Variants in ITGBL1 observed in about 807,000 individuals in gnomAD.
ITGBL1 encodes integrin subunit beta like 1, also known as integrin beta-like protein 1.
Under a neutral mutation model 68.5 loss-of-function variants are expected in ITGBL1, and 51 were observed. The ratio of observed to expected loss-of-function variants is 0.74; its 90% CI spans 0.59 to 0.94. The LOEUF (loss-of-function observed/expected upper bound fraction) is 0.94. Among genes scored for constraint, ITGBL1 ranks in the 40% least tolerant of loss-of-function variants. ITGBL1 has a pLI of 0.00. For missense variants in ITGBL1, 649 were observed against 647.4 expected (o/e 1.00, Z -0.03); for synonymous variants, 209 against 227.3 (o/e 0.92, Z 0.72).
At chr13:101,473,821 G>A (rs528882796) in intron 2 of ITGBL1, among the ~76,000 whole-genome samples, 4 of 152,244 alleles carry the variant, frequency 2.6e-5, no homozygotes, top group East Asian at 1.9e-4. Flanking sequence ...GCCCCCATTC[G>A]AGGCACTAGC....
chr13:101,462,734 C>T (rs1205490255), intron 2 of ITGBL1, among the ~76,000 whole-genome samples: 1 of 152,100 alleles, frequency 6.6e-6, no homozygotes, highest in Non-Finnish European at 1.5e-5. Flanking sequence ...AGGCATGCGC[C>T]CCCACACCTG....
chr13:101,541,530 C>T (rs1005225894), intron 2 of ITGBL1, among the ~76,000 whole-genome samples: 5 of 152,140 alleles, frequency 3.3e-5, no homozygotes, highest in African/African-American at 7.2e-5. Flanking sequence ...GTTGTTGTGT[C>T]TCTGCCAGGC....
At chr13:101,557,968 A>G (rs994460130) in intron 2 of ITGBL1, among the ~76,000 whole-genome samples, 1 of 151,668 alleles carries the variant, frequency 6.6e-6, no homozygotes, top group Non-Finnish European at 1.5e-5. Flanking sequence ...GCACTCCTGT[A>G]ATCCCAGCTA....
chr13:101,469,842 G>A (rs746307997), intron 2 of ITGBL1, among the ~76,000 whole-genome samples: 20 of 152,184 alleles, frequency 1.3e-4, no homozygotes, highest in Non-Finnish European at 2.4e-4. Context: ...GCAGGTTTGG[G>A]TAGGATGAAA....
chr13:101,649,485 G>A (rs1419902002), intron 7 of ITGBL1, among the ~76,000 whole-genome samples: 1 of 152,134 alleles, frequency 6.6e-6, no homozygotes, highest in Admixed American at 6.5e-5. Flanking sequence ...AGTGTGAATA[G>A]CAGAGCTACA....
At chr13:101,491,788 CT>C (rs1353813460) in intron 2 of ITGBL1, among the ~76,000 whole-genome samples, 10 of 152,134 alleles carry the variant, frequency 6.6e-5, no homozygotes, top group African/African-American at 2.4e-4. Flanking sequence ...CCTCCACCCC[CT>C]GACAGGGCCC....
intron 2 of ITGBL1, among the ~76,000 whole-genome samples, chr13:101,508,378 G>A (rs2049059628): frequency 1.3e-5 from 2 of 152,004 alleles, no homozygotes; most frequent in South Asian, 2.1e-4. Flanking sequence ...ATTTGTCTAC[G>A]TTTCTGATCA....
chr13:101,561,757 A>G (rs79458558), intron 2 of ITGBL1, among the ~76,000 whole-genome samples: 3,718 of 152,326 alleles, frequency 0.024, 152 homozygotes, highest in African/African-American at 0.084. Context: ...AGTATATTCC[A>G]GAAATGAAAA....
At chr13:101,465,192 TC>T (rs202197553) in intron 2 of ITGBL1, among the ~76,000 whole-genome samples, 4 of 152,312 alleles carry the variant, frequency 2.6e-5, no homozygotes, top group African/African-American at 9.6e-5. Flanking sequence ...CAGCTTCTTT[TC>T]TTTTTTCAAA....
chr13:101,569,286 C>T (rs985205168), intron 3 of ITGBL1, among the ~76,000 whole-genome samples: 6 of 151,896 alleles, frequency 4.0e-5, no homozygotes, highest in Admixed American at 1.3e-4. Context: ...TTTTAGAGAA[C>T]ATTATAATCA....
intron 6 of ITGBL1, among the ~76,000 whole-genome samples, chr13:101,595,242 G>A (rs1013361682): frequency 2.0e-5 from 3 of 152,222 alleles, no homozygotes; most frequent in South Asian, 2.1e-4. Context: ...ATCACATGGC[G>A]AGAGAGAGGA....
chr13:101,613,266 G>A (rs1327759632), intron 7 of ITGBL1, among the ~76,000 whole-genome samples: 1 of 152,102 alleles, frequency 6.6e-6, no homozygotes, highest in Non-Finnish European at 1.5e-5. Context: ...CAGGGCATAC[G>A]ATTTAATAGA....
At position 101,563,163 on chromosome 13, in the gene ITGBL1, A is replaced by G. The variant is rs2050128515; in HGVS notation, c.317-4536A>G. ...ATTGCAGCTAACATAGTACTTAGAG[A>G]AAAATTTACAGAATTAAATGTTTAT... On this transcript the variant is annotated intron_variant, in intron 2 of 10. Coordinates refer to ENST00000376180, the MANE Select transcript of ITGBL1 (RefSeq NM_004791.3). Among the ~76,000 whole-genome samples the G allele has an allele frequency of 2.0e-5, 3 of 151,480 alleles. No individual in the cohort carries two copies. The South Asian group carries it at 6.2e-4, about 31-fold the overall frequency.
intron 9 of ITGBL1, among the ~76,000 whole-genome samples, chr13:101,709,617 T>G (rs1261157010): frequency 6.6e-6 from 1 of 152,316 alleles, no homozygotes; most frequent in East Asian, 1.9e-4. Flanking sequence ...GCATTGTCAC[T>G]GGGATAAGAA....
chr13:101,518,459 C>A (rs962578506), intron 2 of ITGBL1, among the ~76,000 whole-genome samples: 2 of 152,124 alleles, frequency 1.3e-5, no homozygotes, highest in Non-Finnish European at 2.9e-5. Flanking sequence ...AAAATGGTAT[C>A]AACTGATACC....
chr13:101,635,458 ATAT>A (rs1211218561), intron 7 of ITGBL1, among the ~76,000 whole-genome samples: 1 of 152,122 alleles, frequency 6.6e-6, no homozygotes, highest in Non-Finnish European at 1.5e-5. Flanking sequence ...CTAGTCATAG[ATAT>A]TATTACATGC....
intron 2 of ITGBL1, among the ~76,000 whole-genome samples, chr13:101,564,153 T>C (rs181894658): frequency 5.9e-5 from 9 of 151,940 alleles, no homozygotes; most frequent in African/African-American, 1.9e-4. Context: ...TTCTAGACTT[T>C]ATATAGAAAA....
At chr13:101,585,422 C>T (rs773807158) in intron 6 of ITGBL1, among the ~76,000 whole-genome samples, 13 of 152,230 alleles carry the variant, frequency 8.5e-5, no homozygotes, top group Middle Eastern at 3.4e-3. Flanking sequence ...TCAGGAAATG[C>T]CATTTGACAA....
intron 2 of ITGBL1, among the ~76,000 whole-genome samples, chr13:101,521,056 A>G (rs1022460505): frequency 2.6e-5 from 4 of 152,226 alleles, no homozygotes; most frequent in Non-Finnish European, 4.4e-5. Flanking sequence ...ACCAAGTGAA[A>G]GAGTGATAAA....
Sources: gnomAD v4.1 joint callset for allele counts (sites outside exome capture counted in the v4.1 genomes callset) on GRCh38, gnomAD v4.1.1 for gene constraint, MANE v1.5 for transcripts, NCBI Gene and HGNC (gene_info 2026-07-23, HGNC 2026-07-21) for gene names.